Variants in SYTL3 observed in about 807,000 individuals in gnomAD.
SYTL3 encodes the protein synaptotagmin like 3.
SYTL3 carries 88 observed loss-of-function variants against 82.1 expected under a neutral mutation model. The ratio of observed to expected loss-of-function variants is 1.07; its 90% confidence interval spans 0.90 to 1.28. The LOEUF (loss-of-function observed/expected upper bound fraction) is 1.28, where lower values mean the gene tolerates loss of function less well. Among genes scored for constraint, SYTL3 ranks in the 50% most tolerant of loss-of-function variants. SYTL3 has a pLI of 0.00. For missense variants in SYTL3, 831 were observed against 757.6 expected (o/e 1.10, Z -1.14); for synonymous variants, 311 against 289.4 (o/e 1.07, Z -0.76).
intron 6 of SYTL3, among the ~76,000 whole-genome samples, chr6:158,691,127 G>A (rs143663725): frequency 1.3e-3 from 191 of 152,134 alleles, no homozygotes; most frequent in East Asian, 7.5e-3. Flanking sequence ...TGGGAGGATC[G>A]TTTGAGGCCA....
chr6:158,751,425 G>A (rs565442320), intron 12 of SYTL3, among the ~76,000 whole-genome samples: 19 of 152,330 alleles, frequency 1.2e-4, no homozygotes, highest in African/African-American at 4.6e-4. Flanking sequence ...GTCATGCTGC[G>A]TGCGACCTCT....
rs1465524185 is a variant in SYTL3, at chr6:158,758,452, A to AT, written c.1308+1071_1308+1072insT. ...ACTCTGTCTCAAAAAAAAAAAAAAA[A>AT]CCCAGCGGGATGGACTACTCCCCTC... On this transcript the variant is annotated intron_variant, in intron 14 of 17. Coordinates refer to ENST00000611299, the MANE Select transcript of SYTL3 (RefSeq NM_001242394.2). 1.6e-3 allele frequency among the ~76,000 whole-genome samples: 230 copies of AT among 144,640 alleles called. 1 individual carries two copies. The highest frequency in any genetic ancestry group is 4.2e-3 in the Admixed American group (60 of 14,202). 94.9% of individuals were successfully genotyped at this position (144,640 alleles called of 152,430 possible).
At chr6:158,660,893 C>T (rs1789304561) in intron 2 of SYTL3, among the ~76,000 whole-genome samples, 1 of 152,084 alleles carries the variant, frequency 6.6e-6, no homozygotes, top group South Asian at 2.1e-4. Context: ...CCCATCTCTA[C>T]AAAATTAAAA....
Position 158,665,488 on chromosome 6 carries a change from G to A in SYTL3, c.204G>A (p.Gln68=), listed in dbSNP as rs1789934535. ...HKEKCCARCQ[Q]VLGFLLHRGA... ...AGAAGTGCTGTGCGCGCTGCCAGCA[G>A]GTGCTGGGGTTCCTGCTGCACCGGG... Residue 68 remains glutamine (Q), a synonymous_variant, in exon 5 of 18, where the codon CAG becomes CAA. Transcript: ENST00000611299. 3 of 1,605,484 alleles carry A rather than the reference G, an allele frequency of 1.9e-6. No individual in the cohort carries two copies. Among genetic ancestry groups the A allele is most frequent in the Non-Finnish European group, 2.6e-6 (3 of 1,176,264 alleles).
intron 5 of SYTL3, among the ~76,000 whole-genome samples, chr6:158,671,256 A>C (rs1777351472): frequency 6.6e-6 from 1 of 152,194 alleles, no homozygotes; most frequent in East Asian, 1.9e-4. Context: ...TGTAGTCAGC[A>C]CTTGATTAGT....
chr6:158,741,961 T>G (rs981787464), intron 11 of SYTL3, among the ~76,000 whole-genome samples: 1 of 152,258 alleles, frequency 6.6e-6, no homozygotes, highest in African/African-American at 2.4e-5. Context: ...ACTACGCTCC[T>G]CATCTTCAAG....
At chr6:158,738,595 C>T (rs188165411) in intron 11 of SYTL3, among the ~76,000 whole-genome samples, 1 of 152,288 alleles carries the variant, frequency 6.6e-6, no homozygotes, top group Non-Finnish European at 1.5e-5. Context: ...TAATAAAACA[C>T]CTTCACTAAA....
At chr6:158,697,339 A>G (rs958366633) in intron 6 of SYTL3, among the ~76,000 whole-genome samples, 1 of 151,226 alleles carries the variant, frequency 6.6e-6, no homozygotes, top group African/African-American at 2.4e-5. Context: ...GGTCCCAGCT[A>G]CTTGGGAGGC....
At chr6:158,764,455 C>A (rs757330548) in intron 17 of SYTL3, 40 bp from the exon 18 acceptor site, 4 of 1,447,084 alleles carry the variant, frequency 2.8e-6, no homozygotes, top group Non-Finnish European at 2.9e-6. Flanking sequence ...TGAAGTGGTG[C>A]CCTCCCCGAC....
chr6:158,687,013 T>G (rs763704914), intron 6 of SYTL3, among the ~76,000 whole-genome samples: 27 of 152,230 alleles, frequency 1.8e-4, no homozygotes, highest in Admixed American at 2.6e-4. Flanking sequence ...CCGGCAATAC[T>G]CTTTCCAGCC....
intron 10 of SYTL3, among the ~76,000 whole-genome samples, chr6:158,720,769 A>G (rs947068797): frequency 6.6e-6 from 1 of 152,144 alleles, no homozygotes; most frequent in Admixed American, 6.5e-5. Flanking sequence ...TGTCCCTACT[A>G]AAGACAGGGA....
At chr6:158,691,389 C>T (rs1009271914) in intron 6 of SYTL3, among the ~76,000 whole-genome samples, 3 of 151,056 alleles carry the variant, frequency 2.0e-5, no homozygotes, top group Non-Finnish European at 4.4e-5. Context: ...CCCCAAGTAA[C>T]TTTTTTAATG....
chr6:158,718,962 G>A (rs1783749162), intron 10 of SYTL3, among the ~76,000 whole-genome samples: 1 of 152,196 alleles, frequency 6.6e-6, no homozygotes, highest in Middle Eastern at 3.2e-3. Context: ...CTTTAGGCGA[G>A]GGTGTGAGGT....
At chr6:158,754,196 A>G (rs1486923262) in intron 13 of SYTL3, among the ~76,000 whole-genome samples, 1 of 152,190 alleles carries the variant, frequency 6.6e-6, no homozygotes, top group Non-Finnish European at 1.5e-5. Context: ...ATTGATCCTC[A>G]AATTTTTCTG....
Position 158,665,581 on chromosome 6 carries a change from T to G in SYTL3, c.297T>G (p.His99Gln). The G allele has an allele frequency of 1.3e-6, 2 of 1,574,498 alleles. No individual in the cohort carries two copies. The highest frequency in any genetic ancestry group is 1.7e-6 in the Non-Finnish European group (2 of 1,160,114). Residue 99 changes from histidine (H) to glutamine (Q), a missense_variant, in exon 5 of 18, where the codon CAT becomes CAG. By Grantham distance (24) the His-to-Gln change is conservative. Transcript: ENST00000611299. ...GCCGAGTGTTCCTGAGGGGGACCCA[T>G]GCCTGGAAGTGCACGGTGTGCTTCG... Reference protein sequence around the residue: ...AQCRVFLRGTHAWKCTVCFED... With the variant: ...AQCRVFLRGTQAWKCTVCFED...
intron 8 of SYTL3, among the ~76,000 whole-genome samples, chr6:158,711,708 G>T (rs911975771): frequency 6.6e-6 from 1 of 152,182 alleles, no homozygotes; most frequent in African/African-American, 2.4e-5. Context: ...CCATTTTTAT[G>T]GCTATTTCTC....
chr6:158,650,732 C>G (rs1269894330), intron 1 of SYTL3, among the ~76,000 whole-genome samples: 1 of 149,826 alleles, frequency 6.7e-6, no homozygotes, highest in Admixed American at 6.7e-5. Flanking sequence ...CCCTTGAGAT[C>G]AGGAATTTGA....
chr6:158,663,149 A>G lies in SYTL3; in HGVS notation c.-120A>G, dbSNP rs1789561546. The G allele has an allele frequency of 2.6e-6, 2 of 755,730 alleles. No homozygotes were observed. The highest frequency in any genetic ancestry group is 3.5e-5 in the African/African-American group (2 of 56,684). 46.8% of individuals were successfully genotyped at this position (755,730 alleles called of 1,614,324 possible). On this transcript the variant is annotated 5_prime_UTR_variant, in exon 4 of 18. Coordinates refer to ENST00000611299, the MANE Select transcript of SYTL3 (RefSeq NM_001242394.2). ...GCAAAACAGTTGCCAGTGAAATAGG[A>G]GAGGGAGCTCTTTAAACAAGGCTGG... is the stretch of plus-strand genomic sequence containing the variant.
intron 11 of SYTL3, among the ~76,000 whole-genome samples, chr6:158,739,605 A>G (rs1190056263): frequency 2.0e-5 from 3 of 150,638 alleles, no homozygotes; most frequent in Non-Finnish European, 3.0e-5. Context: ...TCCCTCTCCC[A>G]TCTTTCTGAG....
Sources: allele counts gnomAD v4.1 joint callset (sites outside exome capture counted in the v4.1 genomes callset), GRCh38; gene constraint gnomAD v4.1.1; transcripts MANE v1.5; gene names NCBI Gene and HGNC (gene_info 2026-07-23, HGNC 2026-07-21).